The following ZMYND11 variants were observed in gnomAD, a reference collection of about 807,000 sequenced individuals.
The protein encoded by ZMYND11 is zinc finger MYND domain-containing protein 11.
A neutral mutation model predicts 84.9 loss-of-function variants in ZMYND11; 9 were observed. The ratio of observed to expected loss-of-function variants is 0.11; its 90% CI spans 0.06 to 0.18. ZMYND11 has a LOEUF of 0.18. Among genes scored for constraint, ZMYND11 ranks in the 10% least tolerant of loss-of-function variants. The pLI is 1.00. For missense variants in ZMYND11, 409 were observed against 761.0 expected (o/e 0.54, Z 5.44); for synonymous variants, 250 against 244.1 (o/e 1.02, Z -0.23).
At chr10:131,310 A>G (rs185784686), upstream of ZMYND11, among the ~76,000 whole-genome samples, 1 of 152,196 alleles carries the variant, frequency 6.6e-6, no homozygotes, top group Non-Finnish European at 1.5e-5. Context: ...ACTTCTAACA[A>G]ATACTGTACA....
chr10:163,289 C>G (rs1305869856), intron 1 of ZMYND11, among the ~76,000 whole-genome samples: 1 of 151,898 alleles, frequency 6.6e-6, no homozygotes, highest in Non-Finnish European at 1.5e-5. Context: ...TGTGCTTTGG[C>G]CTTCTTTCTA....
At chr10:244,512 A>G (rs1297141876) in intron 10 of ZMYND11, 3 of 152,268 alleles carry the variant, frequency 2.0e-5, no homozygotes, top group Non-Finnish European at 4.4e-5. Context: ...TGCCAAAGAA[A>G]AGTAGCTGAT....
intron 14 of ZMYND11, 175 bp downstream of exon 14, chr10:249,263 C>T: frequency 3.5e-6 from 5 of 1,443,392 alleles, no homozygotes; most frequent in East Asian, 2.5e-5. Context: ...ATCTCTCAAC[C>T]CCAGATCCCA....
intron 2 of ZMYND11, among the ~76,000 whole-genome samples, chr10:189,030 T>C (rs184581735): frequency 3.3e-5 from 5 of 152,228 alleles, no homozygotes; most frequent in Admixed American, 2.0e-4. Context: ...TAGCATTGGA[T>C]TGGTAGACTA....
Position 234,229 on chromosome 10 carries a change from A to G in ZMYND11, c.439-2609A>G, listed in dbSNP as rs566871135. On this transcript the variant is annotated intron_variant, in intron 4 of 14. Transcript: ENST00000381604. Reference sequence around the variant, plus strand: ...AAAGCGCAGAAAGGAAACAACAACAACAGCAACTCCTGCACATAATGCAGC... The same window carrying G: ...AAAGCGCAGAAAGGAAACAACAACAGCAGCAACTCCTGCACATAATGCAGC... 5.8e-4 allele frequency among the ~76,000 whole-genome samples: 89 copies of G among 152,340 alleles called. 1 individual carries two copies. Among genetic ancestry groups the G allele is most frequent in the Admixed American group, 3.1e-3 (47 of 15,300 alleles).
intron 2 of ZMYND11, among the ~76,000 whole-genome samples, chr10:196,964 T>TA (rs1185902688): frequency 1.6e-4 from 25 of 152,062 alleles, no homozygotes; most frequent in Non-Finnish European, 3.2e-4. Context: ...AGTTCACGTG[T>TA]GTGCCCACGT....
chr10:206,555 A>G (rs1944210382), intron 2 of ZMYND11, among the ~76,000 whole-genome samples: 1 of 151,974 alleles, frequency 6.6e-6, no homozygotes, highest in African/African-American at 2.4e-5. Flanking sequence ...TTTAAGAATG[A>G]TTTTTGCCTT....
intron 2 of ZMYND11, among the ~76,000 whole-genome samples, chr10:206,319 C>T (rs550292112): frequency 3.9e-5 from 6 of 152,158 alleles, no homozygotes; most frequent in Non-Finnish European, 7.4e-5. Flanking sequence ...GAGATCATGC[C>T]ACTGTGCTCC....
At position 252,592 on chromosome 10, in the gene ZMYND11, T is replaced by C. The variant is rs1044720738; in HGVS notation, c.*122T>C. 8.6e-6 allele frequency: 12 copies of C among 1,393,216 alleles called. No homozygotes were observed. The highest frequency in any genetic ancestry group is 5.3e-4 in the Middle Eastern group (2 of 3,744). 86.3% of individuals were successfully genotyped at this position (1,393,216 alleles called of 1,614,324 possible). A position where few individuals can be genotyped will look rare whatever the true frequency, so the allele number is the denominator to read the frequency against. On this transcript the variant is annotated 3_prime_UTR_variant, in exon 15 of 15. Coordinates refer to ENST00000381604, the MANE Select transcript of ZMYND11 (RefSeq NM_001370100.5). The surrounding 1 kb of genome is among the most constrained non-coding windows in gnomAD (Gnocchi z 4.6). ...TTTTGCACCAGCCTTTAAACACTTTTCGTGAAGAAATTTTGCACAGTAGTT... is the reference window on the plus strand; with the variant it reads ...TTTTGCACCAGCCTTTAAACACTTTCCGTGAAGAAATTTTGCACAGTAGTT...
At chr10:176,871 T>A (rs1303076186) in intron 1 of ZMYND11, among the ~76,000 whole-genome samples, 3 of 152,184 alleles carry the variant, frequency 2.0e-5, no homozygotes. Context: ...GTGTGAAGTT[T>A]GGGAGCATAA....
chr10:246,563 T>C (rs1952202983), intron 10 of ZMYND11, among the ~76,000 whole-genome samples: 1 of 152,190 alleles, frequency 6.6e-6, no homozygotes, highest in Non-Finnish European at 1.5e-5. Flanking sequence ...GTTTATTTAT[T>C]CAAGCCATGA....
intron 2 of ZMYND11, among the ~76,000 whole-genome samples, chr10:197,589 G>A (rs1012135465): frequency 6.6e-6 from 1 of 152,186 alleles, no homozygotes; most frequent in Admixed American, 6.5e-5. Context: ...CAAAGGAGAA[G>A]CCTCAACATT....
At chr10:186,102 C>A (rs538822097) in intron 2 of ZMYND11, among the ~76,000 whole-genome samples, 61 of 151,584 alleles carry the variant, frequency 4.0e-4, no homozygotes, top group African/African-American at 1.5e-3. Flanking sequence ...CTCCGCCTCC[C>A]GGGTTCACAC....
At chr10:222,079 C>A (rs1376623055) in intron 4 of ZMYND11, among the ~76,000 whole-genome samples, 1 of 152,072 alleles carries the variant, frequency 6.6e-6, no homozygotes, top group African/African-American at 2.4e-5. Context: ...TTGATTGCAA[C>A]CTCTATTATT....
chr10:249,200 T>C lies in ZMYND11; in HGVS notation c.1686+112T>C, dbSNP rs551179894. 26 of 1,543,800 alleles carry C rather than the reference T, an allele frequency of 1.7e-5. No homozygotes were observed. In the East Asian group the frequency reaches 6.1e-4, roughly 36 times the overall value. ...TGCAGAAGATGTTTCTGAAATAAGA[T>C]CAAATGTGAAATGGTCAGCTTTAGT... On this transcript the variant is annotated intron_variant, in intron 14 of 14. Transcript: ENST00000381604.
chr10:207,069 A>G (rs989695646), intron 2 of ZMYND11, among the ~76,000 whole-genome samples: 20 of 152,004 alleles, frequency 1.3e-4, no homozygotes, highest in African/African-American at 3.4e-4. Context: ...ATTCCCATCT[A>G]TGAGTGAGAA....
rs1403533747 is a variant in ZMYND11 at position 254,583 on chromosome 10, T to C, written c.*2113T>C. 6 of 152,666 alleles carry C rather than the reference T, an allele frequency of 3.9e-5. No homozygotes were observed. In the East Asian group the frequency reaches 1.2e-3, roughly 29 times the overall value. 9.5% of individuals were successfully genotyped at this position (152,666 alleles called of 1,614,324 possible). ...TTGTAAGCTGCTCTGACTAGCAATATATAGATTCATTTAATGTGTTAACAT... is the reference window on the plus strand; with the variant it reads ...TTGTAAGCTGCTCTGACTAGCAATACATAGATTCATTTAATGTGTTAACAT... On this transcript the variant is annotated 3_prime_UTR_variant, in exon 15 of 15. Coordinates refer to ENST00000381604, the MANE Select transcript of ZMYND11 (RefSeq NM_001370100.5).
intron 3 of ZMYND11, among the ~76,000 whole-genome samples, chr10:219,984 T>C (rs1365851378): frequency 3.3e-5 from 5 of 152,150 alleles, no homozygotes; most frequent in Non-Finnish European, 7.4e-5. Flanking sequence ...CATTCATGTA[T>C]CTCTTCTCTT....
intron 2 of ZMYND11, among the ~76,000 whole-genome samples, chr10:185,281 T>C (rs1937911894): frequency 6.6e-6 from 1 of 152,040 alleles, no homozygotes; most frequent in Admixed American, 6.5e-5. Context: ...CAATCAGGAT[T>C]GTAGCTCTCA....
Sources: gnomAD v4.1 joint callset for allele counts (sites outside exome capture counted in the v4.1 genomes callset) on GRCh38, gnomAD v4.1.1 for gene constraint, Gnocchi (gnomAD v3.1) non-coding constraint, MANE v1.5 for transcripts, NCBI Gene and HGNC (gene_info 2026-07-23, HGNC 2026-07-21) for gene names.